CCDC102B: variants seen among roughly 807,000 people sequenced by gnomAD.
CCDC102B encodes the protein coiled-coil domain containing 102B.
A neutral mutation model predicts 57.4 loss-of-function variants in CCDC102B; 75 were observed. The observed-to-expected ratio is 1.31, with a 90% CI of 1.08 to 1.58. CCDC102B has a LOEUF of 1.58. Ranked by LOEUF, CCDC102B falls within the 40% of genes most tolerant of loss-of-function variation. The pLI is 0.00. For missense variants in CCDC102B, 636 were observed against 582.6 expected (o/e 1.09, Z -0.94); for synonymous variants, 206 against 201.9 (o/e 1.02, Z -0.17).
chr18:68,860,840 CAAAAT>C (rs2038718513), intron 4 of CCDC102B, among the ~76,000 whole-genome samples: 1 of 143,368 alleles, frequency 7.0e-6, no homozygotes, highest in Non-Finnish European at 1.5e-5. Context: ...TTTCCCACCT[CAAAAT>C]AGAATATAAG....
chr18:68,779,039 T>C (rs1284767597), intron 2 of CCDC102B, among the ~76,000 whole-genome samples: 1 of 152,128 alleles, frequency 6.6e-6, no homozygotes, highest in African/African-American at 2.4e-5. Flanking sequence ...TATGCATTCC[T>C]GTTTAACGAC....
At chr18:68,793,307 G>A (rs1044310210), upstream of CCDC102B, among the ~76,000 whole-genome samples, 15 of 151,996 alleles carry the variant, frequency 9.9e-5, no homozygotes, top group East Asian at 1.9e-4. Flanking sequence ...AAACTGTAGC[G>A]GAATTCAAAT....
intron 6 of CCDC102B, among the ~76,000 whole-genome samples, chr18:69,008,813 T>C (rs1171606047): frequency 6.6e-6 from 1 of 152,260 alleles, no homozygotes; most frequent in East Asian, 1.9e-4. Context: ...TCAGCTTGTT[T>C]CTTCTAATAC....
At chr18:68,931,211 T>C (rs1454747682) in intron 6 of CCDC102B, among the ~76,000 whole-genome samples, 1 of 151,916 alleles carries the variant, frequency 6.6e-6, no homozygotes, top group Non-Finnish European at 1.5e-5. Flanking sequence ...TTTTATATAA[T>C]GAAGGCTTTA....
intron 6 of CCDC102B, among the ~76,000 whole-genome samples, chr18:68,954,525 G>A (rs916290663): frequency 3.9e-5 from 6 of 152,130 alleles, no homozygotes; most frequent in African/African-American, 1.4e-4. Flanking sequence ...TTTAAAAGGG[G>A]TTTTGTATTC....
chr18:69,050,442 C>T (rs1162790658), intron 7 of CCDC102B, among the ~76,000 whole-genome samples: 1 of 152,180 alleles, frequency 6.6e-6, no homozygotes, highest in Non-Finnish European at 1.5e-5. Context: ...ACTGCATTAA[C>T]TTTCCTAGTC....
intron 6 of CCDC102B, among the ~76,000 whole-genome samples, chr18:68,956,784 A>T (rs1309976473): frequency 1.3e-5 from 2 of 150,108 alleles, no homozygotes; most frequent in Non-Finnish European, 3.0e-5. Context: ...CATTCTTGCC[A>T]GAATTTATTG....
chr18:69,039,283 CATT>C (rs2052372004), intron 7 of CCDC102B, among the ~76,000 whole-genome samples: 2 of 152,004 alleles, frequency 1.3e-5, no homozygotes, highest in South Asian at 4.1e-4. Flanking sequence ...ATTAAATTAA[CATT>C]ATATAGTTAT....
intron 6 of CCDC102B, among the ~76,000 whole-genome samples, chr18:68,937,890 G>A (rs1321343108): frequency 6.6e-6 from 1 of 152,010 alleles, no homozygotes; most frequent in Admixed American, 6.6e-5. Flanking sequence ...AGTTTGCTGA[G>A]AATGATGGTT....
chr18:69,031,403 A>G (rs935173615), intron 7 of CCDC102B, among the ~76,000 whole-genome samples: 8 of 149,012 alleles, frequency 5.4e-5, no homozygotes, highest in Admixed American at 2.0e-4. Flanking sequence ...ATCTTTTTGT[A>G]TTATTCCTTG....
chr18:68,863,353 AG>A (rs1394047459), intron 4 of CCDC102B, among the ~76,000 whole-genome samples: 4 of 152,004 alleles, frequency 2.6e-5, no homozygotes, highest in African/African-American at 9.6e-5. Flanking sequence ...TCGGATTTAA[AG>A]GGTTTGGTTT....
intron 5 of CCDC102B, among the ~76,000 whole-genome samples, chr18:68,883,907 A>T (rs1352790888): frequency 2.0e-5 from 3 of 152,208 alleles, no homozygotes. Context: ...GCTTTTTAGT[A>T]ACTCATTCTT....
At chr18:68,739,825 G>A (rs955862517) in intron 2 of CCDC102B, among the ~76,000 whole-genome samples, 2 of 152,136 alleles carry the variant, frequency 1.3e-5, no homozygotes, top group South Asian at 2.1e-4. Context: ...GACACATCTG[G>A]AAATATGAGA....
chr18:68,855,780 C>T (rs1352424810), intron 4 of CCDC102B, among the ~76,000 whole-genome samples: 1 of 151,910 alleles, frequency 6.6e-6, no homozygotes, highest in Non-Finnish European at 1.5e-5. Context: ...CTTTTTTCTG[C>T]CACAACTCAA....
intron 2 of CCDC102B, among the ~76,000 whole-genome samples, chr18:68,779,514 A>G (rs1420052182): frequency 1.3e-5 from 2 of 151,832 alleles, no homozygotes; most frequent in Admixed American, 6.6e-5. Flanking sequence ...GTATTTTCAT[A>G]GAAATTCAAT....
At chr18:68,836,686 G>A (rs530416514) in intron 1 of CCDC102B, 63 bp from the exon 2 acceptor site, 168 of 1,035,544 alleles carry the variant, frequency 1.6e-4, no homozygotes, top group Admixed American at 2.0e-4. Flanking sequence ...AAAAGTGTAG[G>A]TCTTGTTCCT....
intron 2 of CCDC102B, among the ~76,000 whole-genome samples, chr18:68,760,032 G>A (rs1445451898): frequency 6.6e-6 from 1 of 152,016 alleles, no homozygotes; most frequent in Non-Finnish European, 1.5e-5. Flanking sequence ...AGAATACTGA[G>A]TTAGTCTCCC....
chr18:68,776,756 A>C (rs1183127057), intron 2 of CCDC102B, among the ~76,000 whole-genome samples: 2 of 152,094 alleles, frequency 1.3e-5, no homozygotes, highest in Non-Finnish European at 2.9e-5. Flanking sequence ...ACAAAAAAAA[A>C]CCCTATGACA....
intron 2 of CCDC102B, among the ~76,000 whole-genome samples, chr18:68,745,966 T>C (rs2033603500): frequency 6.6e-6 from 1 of 152,208 alleles, no homozygotes; most frequent in African/African-American, 2.4e-5. Context: ...GTACCATTTA[T>C]TGGGCTTCCT....
Sources: allele counts gnomAD v4.1 joint callset (sites outside exome capture counted in the v4.1 genomes callset), GRCh38; gene constraint gnomAD v4.1.1; transcripts MANE v1.5; gene names NCBI Gene and HGNC (gene_info 2026-07-23, HGNC 2026-07-21).